ATG7: variants seen among roughly 807,000 people sequenced by gnomAD.
ATG7 encodes ubiquitin-like modifier-activating enzyme ATG7.
In ATG7, 70 loss-of-function variants were observed where a neutral mutation model predicts 82.4. That is an observed-to-expected ratio of 0.85 (90% CI 0.70 to 1.04). The LOEUF (loss-of-function observed/expected upper bound fraction) is 1.04, where lower values mean the gene tolerates loss of function less well. Ranked by LOEUF, ATG7 falls within the 50% of genes least tolerant of loss-of-function variation. The probability of loss-of-function intolerance (pLI) is 0.00; values close to 1 mark genes in which losing one functional copy is unlikely to be tolerated. For synonymous variants in ATG7, 287 were observed against 313.0 expected (o/e 0.92, Z 0.88); for missense variants, 792 against 864.3 (o/e 0.92, Z 1.05).
chr3:11,389,144 G>T (rs932151302), intron 19 of ATG7, among the ~76,000 whole-genome samples: 1 of 139,750 alleles, frequency 7.2e-6, no homozygotes, highest in South Asian at 2.3e-4. Flanking sequence ...TGAGGCAGAA[G>T]AATCTTTGAA....
chr3:11,498,631 C>A (rs78498684), intron 20 of ATG7, among the ~76,000 whole-genome samples: 14,412 of 152,284 alleles, frequency 0.095, 932 homozygotes, highest in Non-Finnish European at 0.15. Flanking sequence ...GCTCCAAGAC[C>A]TGCTGGCCAG....
At chr3:11,381,665 G>A (rs1445434815) in intron 19 of ATG7, among the ~76,000 whole-genome samples, 1 of 152,036 alleles carries the variant, frequency 6.6e-6, no homozygotes, top group African/African-American at 2.4e-5. Flanking sequence ...TTTCCTCTTG[G>A]TGATCATTTT....
At chr3:11,289,829 G>T (rs902045841) in intron 3 of ATG7, among the ~76,000 whole-genome samples, 1 of 152,126 alleles carries the variant, frequency 6.6e-6, no homozygotes, top group Non-Finnish European at 1.5e-5. Context: ...CAAAGAGTTA[G>T]GATTATGGGC....
chr3:11,322,340 G>C (rs965129547), intron 9 of ATG7, among the ~76,000 whole-genome samples: 5 of 152,304 alleles, frequency 3.3e-5, no homozygotes, highest in Admixed American at 1.3e-4. Flanking sequence ...ACCACCTGCA[G>C]TTTGAAAAAT....
intron 9 of ATG7, among the ~76,000 whole-genome samples, chr3:11,323,455 T>G (rs1950471130): frequency 6.6e-6 from 1 of 152,190 alleles, no homozygotes; most frequent in Non-Finnish European, 1.5e-5. Flanking sequence ...AAATGGGCCT[T>G]AAGTTCTTCT....
intron 20 of ATG7, among the ~76,000 whole-genome samples, chr3:11,513,530 G>A (rs954756079): frequency 2.0e-5 from 3 of 152,216 alleles, no homozygotes; most frequent in African/African-American, 4.8e-5. Flanking sequence ...CCAGCCGGCC[G>A]CTCCCAGTGC....
chr3:11,406,718 G>A (rs1285268065), intron 19 of ATG7, among the ~76,000 whole-genome samples: 1 of 152,148 alleles, frequency 6.6e-6, no homozygotes, highest in Non-Finnish European at 1.5e-5. Flanking sequence ...CATCTTACGT[G>A]GATGGCAGCA....
Position 11,353,314 on chromosome 3 carries a change from G to A in ATG7, c.1285-5104G>A, listed in dbSNP as rs575694298. Among the ~76,000 whole-genome samples the A allele has an allele frequency of 5.5e-4, 84 of 152,130 alleles. No individual in the cohort carries two copies. The South Asian group carries it at 0.013, about 23-fold the overall frequency. ...ACAAAAATTAGCTGAGTGTGGTGGC[G>A]TGCACCTGTAGTCCCAGCTACTCAG... On this transcript the variant is annotated intron_variant, in intron 14 of 20. Coordinates refer to ENST00000693202, the MANE Select transcript of ATG7 (RefSeq NM_001349232.2).
At chr3:11,566,241 ACG>A in the ATG7 span, among the ~76,000 whole-genome samples, 1 of 151,848 alleles carries the variant, frequency 6.6e-6, no homozygotes, top group Non-Finnish European at 1.5e-5. Flanking sequence ...ACACACACAC[ACG>A]CATGTGATAG....
chr3:11,423,295 C>T (rs534026860), intron 19 of ATG7, among the ~76,000 whole-genome samples: 40 of 152,162 alleles, frequency 2.6e-4, no homozygotes, highest in African/African-American at 9.6e-4. Context: ...AAAACAATTA[C>T]AATAGTAACA....
the ATG7 span, chr3:11,569,032 C>T: frequency 5.9e-5 from 45 of 767,440 alleles, no homozygotes; most frequent in African/African-American, 6.7e-4. Flanking sequence ...GAAAGCCACA[C>T]GCTCTCTAAG....
intron 20 of ATG7, among the ~76,000 whole-genome samples, chr3:11,441,451 C>T (rs1480646529): frequency 1.3e-5 from 2 of 151,870 alleles, no homozygotes; most frequent in Admixed American, 6.6e-5. Flanking sequence ...AGCATCTTGG[C>T]CAGGCTGGTC....
At chr3:11,529,147 A>AG (rs2092645267) in intron 20 of ATG7, among the ~76,000 whole-genome samples, 1 of 152,122 alleles carries the variant, frequency 6.6e-6, no homozygotes, top group African/African-American at 2.4e-5. Context: ...GGGGCAAGGA[A>AG]GGCCTGGGAA....
chr3:11,438,590 A>AT (rs5846710), intron 20 of ATG7, among the ~76,000 whole-genome samples: 126,356 of 151,680 alleles, frequency 0.83, 52,810 homozygotes, highest in East Asian at 1. Context: ...AAAAATAAAG[A>AT]TTTTTTTTCT....
intron 9 of ATG7, among the ~76,000 whole-genome samples, chr3:11,326,882 A>T (rs780942203): frequency 2.0e-5 from 3 of 152,162 alleles, no homozygotes; most frequent in Non-Finnish European, 4.4e-5. Context: ...TTACTTTCAC[A>T]TTCTCACCTA....
At chr3:11,553,088 A>G (rs1036227175) in intron 20 of ATG7, among the ~76,000 whole-genome samples, 2 of 152,068 alleles carry the variant, frequency 1.3e-5, no homozygotes, top group Non-Finnish European at 2.9e-5. Context: ...CCCGGAGGAC[A>G]CGGCCCACAA....
chr3:11,407,644 T>G (rs150991311), intron 19 of ATG7, among the ~76,000 whole-genome samples: 1 of 152,338 alleles, frequency 6.6e-6, no homozygotes, highest in East Asian at 1.9e-4. Flanking sequence ...AATCTAGGCA[T>G]AGGTTCCCAA....
At chr3:11,451,982 A>C (rs1256228416) in intron 20 of ATG7, among the ~76,000 whole-genome samples, 1 of 149,600 alleles carries the variant, frequency 6.7e-6, no homozygotes, top group African/African-American at 2.5e-5. Flanking sequence ...AATCCATAGA[A>C]ACATAAAAAC....
intron 20 of ATG7, among the ~76,000 whole-genome samples, chr3:11,485,426 A>G (rs2089509110): frequency 6.6e-6 from 1 of 152,152 alleles, no homozygotes. Flanking sequence ...AGTTCATTGT[A>G]GATTCTGGAC....
Sources: gnomAD v4.1 joint callset for allele counts (sites outside exome capture counted in the v4.1 genomes callset) on GRCh38, gnomAD v4.1.1 for gene constraint, MANE v1.5 for transcripts, NCBI Gene and HGNC (gene_info 2026-07-23, HGNC 2026-07-21) for gene names.